SLC22A24: variants seen among roughly 807,000 people sequenced by gnomAD.
The protein encoded by SLC22A24 is solute carrier family 22 member 24.
SLC22A24 carries 53 observed loss-of-function variants against 49.8 expected under a neutral mutation model. That is an observed-to-expected ratio of 1.06 (90% CI 0.85 to 1.34). The LOEUF (loss-of-function observed/expected upper bound fraction) is 1.34, where lower values mean the gene tolerates loss of function less well. SLC22A24 is among the 40% of genes most tolerant of loss of function. The pLI is 0.00. For missense variants in SLC22A24, 786 were observed against 675.9 expected (o/e 1.16, Z -1.81); for synonymous variants, 302 against 256.4 (o/e 1.18, Z -1.70).
chr11:63,087,971 T>C (rs979376226), intron 6 of SLC22A24, among the ~76,000 whole-genome samples: 6 of 152,120 alleles, frequency 3.9e-5, no homozygotes, highest in Non-Finnish European at 5.9e-5. Context: ...AAGGAGTGGC[T>C]GTGGGCGCAG....
intron 2 of SLC22A24, among the ~76,000 whole-genome samples, chr11:63,131,616 T>A (rs2087336118): frequency 6.6e-6 from 1 of 152,252 alleles, no homozygotes; most frequent in Non-Finnish European, 1.5e-5. Context: ...CCCAATCTTT[T>A]CTGGCTTGTA....
chr11:63,131,308 G>C (rs956208759), intron 2 of SLC22A24, among the ~76,000 whole-genome samples: 2 of 152,064 alleles, frequency 1.3e-5, no homozygotes, highest in Non-Finnish European at 1.5e-5. Flanking sequence ...GTTTGAATTC[G>C]AGCCTGTCAT....
chr11:63,095,428 T>C (rs1325158910), intron 6 of SLC22A24, among the ~76,000 whole-genome samples: 3 of 152,104 alleles, frequency 2.0e-5, no homozygotes, highest in African/African-American at 7.2e-5. Context: ...CAAGACAAAA[T>C]GAATAAATTT....
At chr11:63,086,639 C>G (rs928120544) in intron 6 of SLC22A24, among the ~76,000 whole-genome samples, 8 of 152,038 alleles carry the variant, frequency 5.3e-5, no homozygotes, top group Admixed American at 1.3e-4. Context: ...CCAAAATAGA[C>G]AATAACTTGA....
At chr11:63,112,562 C>A (rs2087173820) in intron 4 of SLC22A24, among the ~76,000 whole-genome samples, 1 of 152,018 alleles carries the variant, frequency 6.6e-6, no homozygotes, top group Non-Finnish European at 1.5e-5. Context: ...TTTCAAAACA[C>A]CAGCTTCTGG....
chr11:63,122,337 A>G (rs567101951), intron 2 of SLC22A24, among the ~76,000 whole-genome samples: 9 of 152,174 alleles, frequency 5.9e-5, no homozygotes, highest in Admixed American at 1.3e-4. Flanking sequence ...TGTCTGAAAG[A>G]TGGGTGCCCT....
At chr11:63,140,316 A>G (rs1008628543) in intron 1 of SLC22A24, among the ~76,000 whole-genome samples, 15 of 152,128 alleles carry the variant, frequency 9.9e-5, no homozygotes, top group African/African-American at 3.6e-4. Context: ...TCTTGACCTC[A>G]TGATCTGCCC....
chr11:63,140,144 C>T (rs764171542), intron 1 of SLC22A24, among the ~76,000 whole-genome samples: 35 of 144,708 alleles, frequency 2.4e-4, no homozygotes, highest in Non-Finnish European at 4.5e-4. Flanking sequence ...TGCAGTGGCA[C>T]AATCTCAGCT....
At chr11:63,095,106 T>A (rs1024814964) in intron 6 of SLC22A24, among the ~76,000 whole-genome samples, 3 of 152,372 alleles carry the variant, frequency 2.0e-5, no homozygotes, top group Admixed American at 2.0e-4. Flanking sequence ...AGGGTTTTTA[T>A]GGTTTTAGGT....
chr11:63,102,087 G>C (rs1325756337), intron 5 of SLC22A24, among the ~76,000 whole-genome samples: 4 of 152,046 alleles, frequency 2.6e-5, no homozygotes, highest in African/African-American at 9.7e-5. Flanking sequence ...GACTAAAATA[G>C]AATAATTGAA....
chr11:63,139,826 T>C (rs980969104), intron 1 of SLC22A24, among the ~76,000 whole-genome samples: 1 of 152,130 alleles, frequency 6.6e-6, no homozygotes, highest in Non-Finnish European at 1.5e-5. Context: ...CTCCAAGGGC[T>C]CTACCTGGAA....
intron 5 of SLC22A24, among the ~76,000 whole-genome samples, chr11:63,096,310 T>C (rs923335019): frequency 6.6e-6 from 1 of 152,126 alleles, no homozygotes; most frequent in Non-Finnish European, 1.5e-5. Flanking sequence ...CTCAGAGGAA[T>C]TATATAGGAA....
chr11:63,137,908 GTC>G (rs1277404106), intron 1 of SLC22A24: 1 of 152,146 alleles, frequency 6.6e-6, no homozygotes, highest in Admixed American at 6.5e-5. Flanking sequence ...CAAGTTTCTG[GTC>G]TCTCTCTGTC....
At chr11:63,099,038 A>G (rs1233734794) in intron 5 of SLC22A24, among the ~76,000 whole-genome samples, 1 of 152,186 alleles carries the variant, frequency 6.6e-6, no homozygotes, top group South Asian at 2.1e-4. Context: ...TCCTAGTCAC[A>G]TGCAACTTAT....
At position 63,118,737 on chromosome 11, in the gene SLC22A24, C is replaced by T. The variant is rs779629144; in HGVS notation, c.830+175G>A. The T allele has an allele frequency of 9.3e-6, 6 of 647,882 alleles. No individual in the cohort carries two copies. In the Admixed American group the frequency reaches 1.5e-4, roughly 16 times the overall value. The allele number at this position is 647,882 out of a possible 1,614,324, so 40.1% of individuals were successfully genotyped here. Reference sequence around the variant, plus strand: ...TAATGAATGCAAAGTGCCAGCCTCCCCACATATAGTGTCATCCTATTCCAT... The same window carrying T: ...TAATGAATGCAAAGTGCCAGCCTCCTCACATATAGTGTCATCCTATTCCAT... On this transcript the variant is annotated intron_variant, in intron 4 of 9. Transcript: ENST00000612278.
chr11:63,116,175 T>C, intron 4 of SLC22A24: 1 of 399,482 alleles, frequency 2.5e-6, no homozygotes, highest in East Asian at 4.6e-5. Flanking sequence ...CTGCATCTTC[T>C]TTAGGCCCTT....
chr11:63,111,384 C>T (rs988020040), intron 4 of SLC22A24, among the ~76,000 whole-genome samples: 7 of 151,570 alleles, frequency 4.6e-5, no homozygotes, highest in Admixed American at 3.9e-4. Flanking sequence ...AGGGAGGATT[C>T]CTTCTTTTTC....
rs2155317 is a variant in SLC22A24, at chr11:63,117,387, C to A, written c.830+1525G>T. ...TTAGTTGTCTGCAACCAATACTTCT[C>A]CCAGTCTTTATTGAGAGGCTCTGAG... On this transcript the variant is annotated intron_variant, in intron 4 of 9. Coordinates refer to ENST00000612278, the MANE Select transcript of SLC22A24 (RefSeq NM_001136506.2). 9.7e-3 allele frequency among the ~76,000 whole-genome samples: 1,484 copies of A among 152,264 alleles called. 54 individuals carry two copies. Among genetic ancestry groups the A allele is most frequent in the Admixed American group, 0.058 (882 of 15,290 alleles).
intron 1 of SLC22A24, among the ~76,000 whole-genome samples, chr11:63,138,677 G>A (rs2087393274): frequency 6.8e-6 from 1 of 146,012 alleles, no homozygotes; most frequent in South Asian, 2.2e-4. Context: ...AAAGAAATTG[G>A]CTTCTGTACT....
Sources: allele counts gnomAD v4.1 joint callset (sites outside exome capture counted in the v4.1 genomes callset), GRCh38; gene constraint gnomAD v4.1.1; transcripts MANE v1.5; gene names NCBI Gene and HGNC (gene_info 2026-07-23, HGNC 2026-07-21).